PPP4R3A: variants seen among roughly 807,000 people sequenced by gnomAD.
The protein encoded by PPP4R3A is protein phosphatase 4 regulatory subunit 3A.
A neutral mutation model predicts 91.7 loss-of-function variants in PPP4R3A; 15 were observed. The ratio of observed to expected loss-of-function variants is 0.16; its 90% confidence interval spans 0.11 to 0.25. The LOEUF (loss-of-function observed/expected upper bound fraction) is 0.25, where lower values mean the gene tolerates loss of function less well. Ranked by LOEUF, PPP4R3A falls within the 10% of genes least tolerant of loss-of-function variation. PPP4R3A has a pLI of 1.00. For synonymous variants in PPP4R3A, 377 were observed against 348.7 expected (o/e 1.08, Z -0.91); for missense variants, 623 against 998.4 (o/e 0.62, Z 5.07).
intron 1 of PPP4R3A, among the ~76,000 whole-genome samples, chr14:91,503,561 AAGT>A (rs771979311): frequency 1.3e-5 from 2 of 152,176 alleles, no homozygotes; most frequent in Non-Finnish European, 2.9e-5. Context: ...TAATGGTGAA[AAGT>A]AGTACAAAGG....
At chr14:91,489,791 GACTATCAA>G (rs1385918994) in intron 2 of PPP4R3A, among the ~76,000 whole-genome samples, 1 of 152,136 alleles carries the variant, frequency 6.6e-6, no homozygotes, top group Non-Finnish European at 1.5e-5. Context: ...TATTCTATCA[GACTATCAA>G]ACTATCAAGA....
At chr14:91,487,678 G>A (rs931221750) in intron 2 of PPP4R3A, among the ~76,000 whole-genome samples, 1 of 151,902 alleles carries the variant, frequency 6.6e-6, no homozygotes, top group African/African-American at 2.4e-5. Context: ...TATTGCAGCA[G>A]TTTCTAATCT....
In PPP4R3A at chr14:91,461,774, T is replaced by C. The variant is rs1463934562; in HGVS notation, c.2165-167A>G. 9.4e-6 allele frequency: 8 copies of C among 850,684 alleles called. No homozygotes were observed. In the East Asian group the frequency reaches 1.3e-4, roughly 14 times the overall value. The allele number at this position is 850,684 out of a possible 1,614,324, so 52.7% of individuals were successfully genotyped here. A position where few individuals can be genotyped will look rare whatever the true frequency, so the allele number is the denominator to read the frequency against. ...AAAATACTAACCACAATTCCATTCA[T>C]TGGATCTTACCCCAGAGAAGAATTG... On this transcript the variant is annotated intron_variant, in intron 13 of 14. Coordinates refer to ENST00000554943, the MANE Select transcript of PPP4R3A (RefSeq NM_001366432.2).
intron 4 of PPP4R3A, among the ~76,000 whole-genome samples, chr14:91,477,571 C>T (rs192763797): frequency 1.2e-4 from 19 of 152,230 alleles, no homozygotes; most frequent in Middle Eastern, 3.4e-3. Flanking sequence ...TTTACCCAAG[C>T]CCAATTAAGG....
rs1888410772 is a variant in PPP4R3A at position 91,465,388 on chromosome 14, T to A, written c.1692A>T (p.Gly564=). Residue 564 remains glycine (G), a synonymous_variant, in exon 11 of 15, where the codon GGA becomes GGT. Coordinates refer to ENST00000554943, the MANE Select transcript of PPP4R3A (RefSeq NM_001366432.2). ...AGCGGTTGTAAAACTCATCTTTTAATCCAATAATCTTTCTTTTAAAACGAA... is the reference window on the plus strand; with the variant it reads ...AGCGGTTGTAAAACTCATCTTTTAAACCAATAATCTTTCTTTTAAAACGAA... ...CALRFKRKII[G]LKDEFYNRYI... 3 of 1,596,808 alleles carry A rather than the reference T, an allele frequency of 1.9e-6. No individual in the cohort carries two copies. Among genetic ancestry groups the A allele is most frequent in the African/African-American group, 1.4e-5 (1 of 73,908 alleles).
chr14:91,467,554 T>C (rs903323107), intron 10 of PPP4R3A, among the ~76,000 whole-genome samples: 1 of 150,854 alleles, frequency 6.6e-6, no homozygotes, highest in African/African-American at 2.4e-5. Context: ...ATAATAAAGC[T>C]TTATTTCACT....
chr14:91,464,865 C>G (rs1243210035), intron 11 of PPP4R3A, among the ~76,000 whole-genome samples: 3 of 152,190 alleles, frequency 2.0e-5, no homozygotes, highest in Non-Finnish European at 4.4e-5. Context: ...AGCACAGTTT[C>G]AGGATGAAAT....
chr14:91,475,531 T>A (rs1298993127), intron 7 of PPP4R3A: 1 of 280,886 alleles, frequency 3.6e-6, no homozygotes, highest in Non-Finnish European at 6.7e-6. Flanking sequence ...CTAAATGATT[T>A]AAAAAACACA....
Position 91,510,126 on chromosome 14 carries a change from C to G in PPP4R3A, c.-479G>C, listed in dbSNP as rs1476246750. The G allele has an allele frequency of 5.6e-6, 1 of 179,368 alleles. No homozygotes were observed. The highest frequency in any genetic ancestry group is 6.5e-5 in the Admixed American group (1 of 15,308). The allele number at this position is 179,368 out of a possible 1,614,324, so 11.1% of individuals were successfully genotyped here. On this transcript the variant is annotated 5_prime_UTR_variant, in exon 1 of 15. Transcript: ENST00000554943. ...TCCCTTCCGCTCCCCCTGTTTTAAA[C>G]GTCAGAAGCCGACAGGCGCCTGATC...
Position 91,476,502 on chromosome 14 carries a change from C to T in PPP4R3A, c.1016G>A (p.Cys339Tyr), listed in dbSNP as rs777862008. 1.3e-6 allele frequency: 2 copies of T among 1,592,452 alleles called. No homozygotes were observed. Among genetic ancestry groups the T allele is most frequent in the Admixed American group, 1.9e-5 (1 of 54,002 alleles). The part of the protein sequence containing the change: ...QELVNFLKEF[C>Y]AFSQTLQPQN... ...AGGCTGTAGCGTTTGGGAAAACGCACAAAATTCTTTTAAAAAGTTAACCTG... is the reference window on the plus strand; with the variant it reads ...AGGCTGTAGCGTTTGGGAAAACGCATAAAATTCTTTTAAAAAGTTAACCTG... The change falls in exon 6 of 15, where the codon TGT (cysteine) becomes TAT (tyrosine). Residue 339 changes from cysteine (C) to tyrosine (Y), a missense_variant. Cys to Tyr is a radical substitution (Grantham distance 194). Transcript: ENST00000554943.
At chr14:91,476,298 C>G (rs114130864) in intron 6 of PPP4R3A, 110 bp downstream of exon 6, 5 of 858,092 alleles carry the variant, frequency 5.8e-6, no homozygotes, top group Non-Finnish European at 9.3e-6. Context: ...TAATGAACTA[C>G]GCAGCTAATT....
intron 7 of PPP4R3A, among the ~76,000 whole-genome samples, chr14:91,474,228 A>G (rs1406570423): frequency 6.6e-6 from 1 of 152,230 alleles, no homozygotes; most frequent in Non-Finnish European, 1.5e-5. Flanking sequence ...TAGAGAGTGC[A>G]GAGAACAAAT....
chr14:91,488,071 C>G (rs182804108), intron 2 of PPP4R3A, among the ~76,000 whole-genome samples: 18 of 152,266 alleles, frequency 1.2e-4, no homozygotes, highest in African/African-American at 3.6e-4. Flanking sequence ...TCCCTGTAGT[C>G]CCAGCTAGTT....
chr14:91,471,784 C>T (rs1156548434), intron 9 of PPP4R3A, among the ~76,000 whole-genome samples: 1 of 152,140 alleles, frequency 6.6e-6, no homozygotes, highest in East Asian at 1.9e-4. Context: ...GAATTCAAGG[C>T]TGGGCGTGGT....
rs1167353089 is a variant in PPP4R3A at position 91,457,566 on chromosome 14, A to C, written c.*1193T>G. ...CTTACAAGTCAAACTGGTATTCCAAAGGGAGTAGTTAAAAACAAAAACAAG... is the reference window on the plus strand; with the variant it reads ...CTTACAAGTCAAACTGGTATTCCAACGGGAGTAGTTAAAAACAAAAACAAG... On this transcript the variant is annotated 3_prime_UTR_variant, in exon 15 of 15. Coordinates refer to ENST00000554943, the MANE Select transcript of PPP4R3A (RefSeq NM_001366432.2). 3 of 152,588 alleles carry C rather than the reference A, an allele frequency of 2.0e-5. No homozygotes were observed. Among genetic ancestry groups the C allele is most frequent in the Non-Finnish European group, 4.4e-5 (3 of 68,008 alleles). The allele number at this position is 152,588 out of a possible 1,614,324, so 9.5% of individuals were successfully genotyped here.
At chr14:91,459,828 C>CT (rs1888010068) in intron 14 of PPP4R3A, among the ~76,000 whole-genome samples, 1 of 106,106 alleles carries the variant, frequency 9.4e-6, no homozygotes, top group African/African-American at 3.5e-5. Context: ...GACTGAGACT[C>CT]TGTCAAAAAA....
chr14:91,459,106 A>C (rs1887959194), intron 14 of PPP4R3A, among the ~76,000 whole-genome samples: 1 of 152,028 alleles, frequency 6.6e-6, no homozygotes, highest in Non-Finnish European at 1.5e-5. Flanking sequence ...GAATTAAAGC[A>C]AAAATTTTTT....
In PPP4R3A at chr14:91,462,170, C is replaced by A; in HGVS notation, c.2043G>T (p.Met681Ile). The change falls in exon 13 of 15, where the codon ATG becomes ATT. Residue 681 changes from methionine (M) to isoleucine (I), a missense_variant. Met to Ile is a conservative substitution (Grantham distance 10). Transcript: ENST00000554943. ...TGTCATCTTCATCTGTGTTAAACCA[C>A]ATCTCTTCTTCATCTTCTAGTGTTC... ...DARTLEDEEEMWFNTDEDDME... is the reference protein window; with the variant it reads ...DARTLEDEEEIWFNTDEDDME... 1 of 1,608,678 alleles carries A rather than the reference C, an allele frequency of 6.2e-7. No individual in the cohort carries two copies. The highest frequency in any genetic ancestry group is 8.5e-7 in the Non-Finnish European group (1 of 1,178,272).
intron 2 of PPP4R3A, among the ~76,000 whole-genome samples, chr14:91,489,583 C>A (rs981609732): frequency 6.6e-6 from 1 of 152,196 alleles, no homozygotes; most frequent in Non-Finnish European, 1.5e-5. Context: ...TAGGCTGAGA[C>A]ACATGAATCT....
Sources: allele counts gnomAD v4.1 joint callset (sites outside exome capture counted in the v4.1 genomes callset), GRCh38; gene constraint gnomAD v4.1.1; transcripts MANE v1.5; gene names NCBI Gene and HGNC (gene_info 2026-07-23, HGNC 2026-07-21).